SGCZ: variants seen among roughly 807,000 people sequenced by gnomAD.
SGCZ encodes the protein sarcoglycan zeta, also known as zeta-sarcoglycan.
Under a neutral mutation model 41.3 loss-of-function variants are expected in SGCZ, and 40 were observed. The ratio of observed to expected loss-of-function variants is 0.97; its 90% confidence interval spans 0.75 to 1.26. The LOEUF (loss-of-function observed/expected upper bound fraction) is 1.26, where lower values mean the gene tolerates loss of function less well. Ranked by LOEUF, SGCZ falls within the 50% of genes most tolerant of loss-of-function variation. SGCZ has a pLI of 0.00. For missense variants in SGCZ, 552 were observed against 369.8 expected (o/e 1.49, Z -4.04); for synonymous variants, 206 against 137.5 (o/e 1.50, Z -3.49).
chr8:14,500,157 T>A (rs1432806118), intron 2 of SGCZ, among the ~76,000 whole-genome samples: 1 of 152,140 alleles, frequency 6.6e-6, no homozygotes, highest in East Asian at 1.9e-4. Flanking sequence ...GAATTTCTTG[T>A]TTCATACATA....
chr8:14,395,103 G>C (rs1204402271), intron 2 of SGCZ, among the ~76,000 whole-genome samples: 2 of 152,136 alleles, frequency 1.3e-5, no homozygotes, highest in African/African-American at 4.8e-5. Flanking sequence ...AAGGAACATA[G>C]AATGTGCTCA....
intron 2 of SGCZ, among the ~76,000 whole-genome samples, chr8:14,478,375 T>TA (rs1801423278): frequency 6.6e-6 from 1 of 152,150 alleles, no homozygotes; most frequent in Non-Finnish European, 1.5e-5. Flanking sequence ...AATCAAGACA[T>TA]AAAAATACAT....
chr8:14,547,357 G>T (rs372185602), intron 2 of SGCZ, among the ~76,000 whole-genome samples: 2 of 152,240 alleles, frequency 1.3e-5, no homozygotes, highest in African/African-American at 4.8e-5. Context: ...TTCATAATCT[G>T]CTTAGTGTCA....
chr8:14,085,079 T>C lies in SGCZ; in HGVS notation c.*5364A>G, dbSNP rs1232920226. On this transcript the variant is annotated 3_prime_UTR_variant, in exon 8 of 8. Transcript: ENST00000382080. ...AGTTCCATCTAAACAAAAGATACAA[T>C]AGACTGATTTTTGAATAGATATGTT... is the stretch of plus-strand genomic sequence containing the variant. Among the ~76,000 whole-genome samples the C allele has an allele frequency of 3.3e-5, 5 of 151,724 alleles. No homozygotes were observed. In the East Asian group the frequency reaches 5.8e-4, roughly 18 times the overall value.
At chr8:14,405,884 C>G (rs1799200038) in intron 2 of SGCZ, among the ~76,000 whole-genome samples, 1 of 152,024 alleles carries the variant, frequency 6.6e-6, no homozygotes. Context: ...AGGTTTTTCT[C>G]TTTAGTGGGA....
intron 3 of SGCZ, 117 bp from the exon 4 acceptor site, chr8:14,237,796 G>C (rs1269504238): frequency 1.4e-5 from 12 of 837,580 alleles, no homozygotes; most frequent in Middle Eastern, 3.3e-4. Context: ...CTCTATATTA[G>C]ACAGTTAATT....
At chr8:14,922,591 T>C (rs1396375663) in intron 1 of SGCZ, among the ~76,000 whole-genome samples, 1 of 151,986 alleles carries the variant, frequency 6.6e-6, no homozygotes, top group East Asian at 1.9e-4. Flanking sequence ...GGCTACCTAA[T>C]CCTAAACTAT....
At chr8:14,621,907 T>A (rs562102884) in intron 1 of SGCZ, among the ~76,000 whole-genome samples, 2 of 152,062 alleles carry the variant, frequency 1.3e-5, no homozygotes, top group African/African-American at 4.8e-5. Flanking sequence ...CTTATATCTA[T>A]AGAATAAGTA....
At chr8:14,571,570 T>C (rs1485626204) in intron 1 of SGCZ, among the ~76,000 whole-genome samples, 1 of 152,162 alleles carries the variant, frequency 6.6e-6, no homozygotes, top group African/African-American at 2.4e-5. Flanking sequence ...TGTATAAATT[T>C]TTTTTTCTGA....
chr8:14,551,663 A>G (rs570942140), intron 2 of SGCZ, among the ~76,000 whole-genome samples: 5 of 107,700 alleles, frequency 4.6e-5, no homozygotes, highest in Admixed American at 1.4e-4. Context: ...ATATGAAAGT[A>G]TGTATGTATG....
At chr8:14,367,203 A>G (rs767750881) in intron 2 of SGCZ, among the ~76,000 whole-genome samples, 5 of 151,986 alleles carry the variant, frequency 3.3e-5, no homozygotes. Flanking sequence ...AGCAAAAGTC[A>G]CCTTTGCTCC....
chr8:14,389,384 G>C (rs1214150448), intron 2 of SGCZ, among the ~76,000 whole-genome samples: 2 of 150,330 alleles, frequency 1.3e-5, no homozygotes, highest in African/African-American at 2.4e-5. Flanking sequence ...CATGTTCAAA[G>C]TAGAAAATAA....
At chr8:14,495,781 T>G (rs1477966163) in intron 2 of SGCZ, among the ~76,000 whole-genome samples, 5 of 151,684 alleles carry the variant, frequency 3.3e-5, no homozygotes, top group Non-Finnish European at 2.9e-5. Flanking sequence ...AGATAAACGT[T>G]TTTTTGAAAA....
intron 1 of SGCZ, among the ~76,000 whole-genome samples, chr8:14,600,374 T>C (rs1805552115): frequency 6.6e-6 from 1 of 152,192 alleles, no homozygotes; most frequent in African/African-American, 2.4e-5. Context: ...CTGGGATCTA[T>C]CATCTCTACT....
intron 1 of SGCZ, among the ~76,000 whole-genome samples, chr8:14,812,813 C>T (rs1017213337): frequency 1.8e-4 from 27 of 152,056 alleles, no homozygotes; most frequent in African/African-American, 6.5e-4. Flanking sequence ...AATAGATAAG[C>T]TTCCACAATT....
At chr8:14,757,042 ATATGTCAACTTTTTCTTTTTTTTTGAG>A (rs1312119045) in intron 1 of SGCZ, among the ~76,000 whole-genome samples, 1 of 151,944 alleles carries the variant, frequency 6.6e-6, no homozygotes, top group Admixed American at 6.6e-5. Context: ...TTCCCCACCA[ATATGTCAACTTTTTCTTTTTTTTTGAG>A]ACAAACTCTT....
chr8:14,146,890 A>AAAAAAATAAT (rs1182329393), intron 5 of SGCZ, among the ~76,000 whole-genome samples: 7 of 116,178 alleles, frequency 6.0e-5, no homozygotes, highest in African/African-American at 2.2e-4. Flanking sequence ...AAAATAAAAA[A>AAAAAAATAAT]AATAATAATA....
chr8:14,676,782 A>G (rs1808291267), intron 1 of SGCZ, among the ~76,000 whole-genome samples: 2 of 152,152 alleles, frequency 1.3e-5, no homozygotes, highest in Non-Finnish European at 2.9e-5. Context: ...TGAAATGAAA[A>G]AGCTCTTAGA....
chr8:14,999,787 C>A (rs80068241), intron 1 of SGCZ, among the ~76,000 whole-genome samples: 4,038 of 152,164 alleles, frequency 0.027, 154 homozygotes, highest in East Asian at 0.14. Context: ...ATGCACCATG[C>A]AAAGTAATGG....
Sources: gnomAD v4.1 joint callset for allele counts (sites outside exome capture counted in the v4.1 genomes callset) on GRCh38, gnomAD v4.1.1 for gene constraint, MANE v1.5 for transcripts, NCBI Gene and HGNC (gene_info 2026-07-23, HGNC 2026-07-21) for gene names.